Variants in NEURL1 observed in about 807,000 individuals in gnomAD.
NEURL1 encodes E3 ubiquitin-protein ligase NEURL1.
In NEURL1, 26 loss-of-function variants were observed where a neutral mutation model predicts 41.2. The ratio of observed to expected loss-of-function variants is 0.63; its 90% confidence interval spans 0.46 to 0.87. NEURL1 has a LOEUF of 0.87. NEURL1 is among the 40% of genes least tolerant of loss of function. NEURL1 has a pLI of 0.00. For synonymous variants in NEURL1, 400 were observed against 402.3 expected (o/e 0.99, Z 0.07); for missense variants, 761 against 871.1 (o/e 0.87, Z 1.59).
At chr10:103,495,929 G>A (rs1023366718) in intron 1 of NEURL1, among the ~76,000 whole-genome samples, 3 of 152,116 alleles carry the variant, frequency 2.0e-5, no homozygotes, top group African/African-American at 7.2e-5. Flanking sequence ...CCAACATGGC[G>A]AAACACTGTC....
chr10:103,532,616 G>T (rs986081712), intron 1 of NEURL1, among the ~76,000 whole-genome samples: 1 of 152,098 alleles, frequency 6.6e-6, no homozygotes, highest in Non-Finnish European at 1.5e-5. Context: ...TAAGGATTCT[G>T]TGGAGAAATC....
intron 4 of NEURL1, among the ~76,000 whole-genome samples, 187 bp downstream of exon 4, chr10:103,585,412 G>A (rs999220523): frequency 2.6e-5 from 4 of 152,290 alleles, no homozygotes; most frequent in Admixed American, 6.5e-5. Context: ...TGTCACCTGG[G>A]AGACTCACCT....
At chr10:103,528,816 T>C (rs1055330190) in intron 1 of NEURL1, among the ~76,000 whole-genome samples, 3 of 152,196 alleles carry the variant, frequency 2.0e-5, no homozygotes, top group Admixed American at 2.0e-4. Context: ...TGGAAAGAAC[T>C]GGGAACTTCC....
Position 103,585,106 on chromosome 10 carries a change from G to C in NEURL1, c.1220G>C (p.Gly407Ala), listed in dbSNP as rs1010658871. ...DILGLVVNAD[G>A]ELHLSHNGAA... ...CTGGGCCTGGTGGTCAACGCCGACGGCGAGCTGCACCTCAGCCACAATGGC... is the reference window on the plus strand; with the variant it reads ...CTGGGCCTGGTGGTCAACGCCGACGCCGAGCTGCACCTCAGCCACAATGGC... The change falls in exon 4 of 6, where the codon GGC (glycine) becomes GCC (alanine). Residue 407 changes from glycine to alanine, a missense_variant. Transcript: ENST00000369780. The C allele has an allele frequency of 1.9e-5, 30 of 1,590,144 alleles. No individual in the cohort carries two copies. Among genetic ancestry groups the C allele is most frequent in the African/African-American group, 4.0e-5 (3 of 74,728 alleles).
chr10:103,498,856 G>A (rs1403319751), intron 1 of NEURL1, among the ~76,000 whole-genome samples: 1 of 152,174 alleles, frequency 6.6e-6, no homozygotes, highest in Non-Finnish European at 1.5e-5. Context: ...CATCCATGTT[G>A]TAGCGTGCAC....
chr10:103,505,888 C>T (rs1262598862), intron 1 of NEURL1, among the ~76,000 whole-genome samples: 1 of 152,224 alleles, frequency 6.6e-6, no homozygotes, highest in African/African-American at 2.4e-5. Context: ...TTCCTTGCCT[C>T]TCAGAGGTGT....
Position 103,571,688 on chromosome 10 carries a change from T to C in NEURL1, c.515T>C (p.Val172Ala). The C allele has an allele frequency of 6.2e-7, 1 of 1,614,178 alleles. No homozygotes were observed. Among genetic ancestry groups the C allele is most frequent in the Non-Finnish European group, 8.5e-7 (1 of 1,180,016 alleles). The part of the protein sequence containing the change: ...ANEGNIIAFW[V>A]DKKGRVFHRI... The stretch of plus-strand genomic sequence containing the variant: ...GAGGGCAACATCATCGCATTCTGGG[T>C]GGACAAGAAGGGCCGTGTCTTCCAC... The change falls in exon 3 of 6, where the codon GTG becomes GCG. Residue 172 changes from valine (V) to alanine (A), a missense_variant. Val to Ala is a moderately conservative substitution (Grantham distance 64, BLOSUM62 0). Transcript: ENST00000369780.
At chr10:103,588,547 C>T (rs895909641) in intron 4 of NEURL1, among the ~76,000 whole-genome samples, 5 of 152,048 alleles carry the variant, frequency 3.3e-5, no homozygotes, top group Non-Finnish European at 5.9e-5. Flanking sequence ...GGGGCTGTCT[C>T]TAGCTTTCTG....
At chr10:103,504,193 A>T (rs751663113) in intron 1 of NEURL1, among the ~76,000 whole-genome samples, 7 of 151,804 alleles carry the variant, frequency 4.6e-5, no homozygotes, top group Non-Finnish European at 8.8e-5. Context: ...GGGTTTCACC[A>T]TGTTGGTCAG....
At chr10:103,522,405 C>T (rs896551966) in intron 1 of NEURL1, among the ~76,000 whole-genome samples, 8 of 150,940 alleles carry the variant, frequency 5.3e-5, no homozygotes, top group East Asian at 1.9e-4. Flanking sequence ...GTTGGGAGTT[C>T]GAGACCAGCC....
At chr10:103,498,290 C>T (rs543232620) in intron 1 of NEURL1, among the ~76,000 whole-genome samples, 2 of 152,308 alleles carry the variant, frequency 1.3e-5, no homozygotes, top group South Asian at 2.1e-4. Context: ...TGCAGTGGCG[C>T]GATCTCGGCT....
chr10:103,500,143 A>G (rs1024612258), intron 1 of NEURL1, among the ~76,000 whole-genome samples: 2 of 152,156 alleles, frequency 1.3e-5, no homozygotes, highest in African/African-American at 4.8e-5. Flanking sequence ...TGTTGAACCC[A>G]GAGCACCCAT....
intron 3 of NEURL1, among the ~76,000 whole-genome samples, chr10:103,573,335 G>A (rs1404028967): frequency 6.6e-6 from 1 of 152,158 alleles, no homozygotes; most frequent in Non-Finnish European, 1.5e-5. Context: ...CAGCGTTCAT[G>A]TCCCTGAGCT....
intron 4 of NEURL1, chr10:103,589,035 T>G (rs1412823727): frequency 2.2e-5 from 9 of 404,822 alleles, no homozygotes; most frequent in Admixed American, 3.1e-5. Flanking sequence ...TGGGAAAAAG[T>G]GAAGGCACTG....
At chr10:103,516,770 G>C (rs748092689) in intron 1 of NEURL1, among the ~76,000 whole-genome samples, 1 of 152,168 alleles carries the variant, frequency 6.6e-6, no homozygotes, top group Non-Finnish European at 1.5e-5. Context: ...CTCCTCAGGG[G>C]ACCTGGAATA....
chr10:103,572,244 C>G (rs202158433), intron 3 of NEURL1, among the ~76,000 whole-genome samples: 1 of 152,246 alleles, frequency 6.6e-6, no homozygotes, highest in Admixed American at 6.5e-5. Context: ...GGCAGAAACT[C>G]AAGTCCAGGG....
intron 1 of NEURL1, among the ~76,000 whole-genome samples, chr10:103,517,757 A>T (rs1381420018): frequency 6.6e-6 from 1 of 152,204 alleles, no homozygotes; most frequent in Non-Finnish European, 1.5e-5. Flanking sequence ...AACTTGCTCT[A>T]GGCCTGGCAA....
intron 1 of NEURL1, among the ~76,000 whole-genome samples, chr10:103,498,518 G>A (rs571659109): frequency 6.6e-6 from 1 of 152,158 alleles, no homozygotes; most frequent in East Asian, 1.9e-4. Flanking sequence ...GAGCCACCGC[G>A]CCAGGCCCAT....
chr10:103,520,866 T>C (rs982744186), intron 1 of NEURL1, among the ~76,000 whole-genome samples: 1 of 152,062 alleles, frequency 6.6e-6, no homozygotes, highest in African/African-American at 2.4e-5. Flanking sequence ...GGAGGATTTG[T>C]CTTATAGAAT....
Sources: allele counts gnomAD v4.1 joint callset (sites outside exome capture counted in the v4.1 genomes callset), GRCh38; gene constraint gnomAD v4.1.1; transcripts MANE v1.5; gene names NCBI Gene and HGNC (gene_info 2026-07-23, HGNC 2026-07-21).